The following LGALS4 variants were observed in gnomAD, a reference collection of about 807,000 sequenced individuals.
LGALS4 encodes galectin 4.
A neutral mutation model predicts 39.6 loss-of-function variants in LGALS4; 37 were observed. The observed-to-expected ratio is 0.93, with a 90% confidence interval of 0.72 to 1.23. The LOEUF (loss-of-function observed/expected upper bound fraction) is 1.23, where lower values mean the gene tolerates loss of function less well. LGALS4 is among the 50% of genes most tolerant of loss of function. LGALS4 has a pLI of 0.00. For synonymous variants in LGALS4, 160 were observed against 165.5 expected, an observed-to-expected ratio of 0.97 and a Z score of 0.25; for missense variants, 397 against 433.2, an observed-to-expected ratio of 0.92 and a Z score of 0.74.
intron 1 of LGALS4, 45 bp from the exon 2 acceptor site, chr19:38,812,564 T>G: frequency 6.4e-7 from 1 of 1,563,988 alleles, no homozygotes; most frequent in Non-Finnish European, 8.8e-7. Flanking sequence ...CATCTGCCTG[T>G]TGCAGCCTTT....
intron 3 of LGALS4, among the ~76,000 whole-genome samples, chr19:38,807,195 C>T (rs188093446): frequency 4.3e-4 from 65 of 151,952 alleles, no homozygotes; most frequent in African/African-American, 1.4e-3. Flanking sequence ...AGCAAGACCC[C>T]GTCTTTACAA....
chr19:38,806,366 T>TC (rs1555719769), intron 4 of LGALS4, 95 bp downstream of exon 4: 1 of 1,166,182 alleles, frequency 8.6e-7, no homozygotes, highest in Non-Finnish European at 1.1e-6. Flanking sequence ...AGACTCCGTC[T>TC]CAAAAAAAAA....
rs771175613 is a variant in LGALS4, at chr19:38,801,749, G to A, written c.*15C>T. ...ATAATTCTGTTTTCCCATGAGTTATGGCCCCAGGAATAGATTAGATCTGGA... is the reference window on the plus strand; with the variant it reads ...ATAATTCTGTTTTCCCATGAGTTATAGCCCCAGGAATAGATTAGATCTGGA... On this transcript the variant is annotated 3_prime_UTR_variant, in exon 10 of 10. Coordinates refer to ENST00000307751, the MANE Select transcript of LGALS4 (RefSeq NM_006149.4). The A allele has an allele frequency of 6.2e-7, 1 of 1,613,388 alleles. No homozygotes were observed. Among genetic ancestry groups the A allele is most frequent in the Non-Finnish European group, 8.5e-7 (1 of 1,179,550 alleles).
chr19:38,806,937 ACT>A (rs1971428926), intron 3 of LGALS4, among the ~76,000 whole-genome samples: 1 of 136,184 alleles, frequency 7.3e-6, no homozygotes, highest in Non-Finnish European at 1.5e-5. Flanking sequence ...ACAGAGCAAG[ACT>A]CTGTCTCAAA....
intron 2 of LGALS4, among the ~76,000 whole-genome samples, chr19:38,809,296 C>A (rs1971464581): frequency 6.6e-6 from 1 of 151,186 alleles, no homozygotes; most frequent in Admixed American, 6.6e-5. Flanking sequence ...TCTCCTGCCT[C>A]AGCCTCCCAA....
chr19:38,810,701 T>TCAGATCA (rs1366831676), intron 2 of LGALS4, among the ~76,000 whole-genome samples: 4 of 151,770 alleles, frequency 2.6e-5, no homozygotes, highest in African/African-American at 9.7e-5. Context: ...AGTCTCGAGC[T>TCAGATCA]CCTGACCTCA....
At chr19:38,809,138 TC>T (rs1194794463) in intron 2 of LGALS4, among the ~76,000 whole-genome samples, 190 bp from the exon 3 acceptor site, 1 of 150,826 alleles carries the variant, frequency 6.6e-6, no homozygotes, top group Non-Finnish European at 1.5e-5. Flanking sequence ...GGGGGCAGAT[TC>T]CCACCACCAC....
chr19:38,811,126 C>T (rs1451642215), intron 2 of LGALS4, among the ~76,000 whole-genome samples: 1 of 152,016 alleles, frequency 6.6e-6, no homozygotes, highest in Non-Finnish European at 1.5e-5. Context: ...GTCTTGAACT[C>T]CCGATCTCAG....
Position 38,801,930 on chromosome 19 carries a change from C to T in LGALS4, c.826-20G>A. On this transcript the variant is annotated intron_variant, in intron 9 of 9. Coordinates refer to ENST00000307751, the MANE Select transcript of LGALS4 (RefSeq NM_006149.4). ...GGACAGCTGCAGGGAGAAGGGTGGG[C>T]ATGAGGCCAGGGCCAGGACTGAGGC... 6.2e-7 allele frequency: 1 copy of T among 1,614,020 alleles called. No individual in the cohort carries two copies. Among genetic ancestry groups the T allele is most frequent in the Non-Finnish European group, 8.5e-7 (1 of 1,179,938 alleles).
chr19:38,805,853 C>G (rs1464589943), intron 4 of LGALS4, among the ~76,000 whole-genome samples: 2 of 152,164 alleles, frequency 1.3e-5, no homozygotes, highest in Non-Finnish European at 2.9e-5. Flanking sequence ...CAGCAGATCA[C>G]TTGAGGCCAG....
At chr19:38,805,369 T>C (rs1407371147) in intron 4 of LGALS4, among the ~76,000 whole-genome samples, 1 of 152,062 alleles carries the variant, frequency 6.6e-6, no homozygotes, top group Non-Finnish European at 1.5e-5. Context: ...ACTTCCTTCC[T>C]GACCCATGAC....
At chr19:38,809,030 G>A (rs954502045) in intron 2 of LGALS4, 82 bp from the exon 3 acceptor site, 88 of 1,241,760 alleles carry the variant, frequency 7.1e-5, no homozygotes, top group African/African-American at 1.6e-4. Context: ...TCTCCCTGCC[G>A]CCCTGTCCTC....
chr19:38,811,462 G>A (rs1971492967), intron 2 of LGALS4, among the ~76,000 whole-genome samples: 1 of 151,068 alleles, frequency 6.6e-6, no homozygotes, highest in Non-Finnish European at 1.5e-5. Context: ...ACAAGACTTT[G>A]TCTCTACAAA....
At chr19:38,809,070 C>T (rs748278723) in intron 2 of LGALS4, 122 bp from the exon 3 acceptor site, 4 of 760,502 alleles carry the variant, frequency 5.3e-6, no homozygotes, top group Non-Finnish European at 8.5e-6. Flanking sequence ...TCAGCACCAG[C>T]TCTGAGGGGC....
chr19:38,803,887 C>T lies in LGALS4; in HGVS notation c.483G>A (p.Pro161=), dbSNP rs1449123794. The T allele has an allele frequency of 5.6e-6, 9 of 1,609,750 alleles. No individual in the cohort carries two copies. Among genetic ancestry groups the T allele is most frequent in the Admixed American group, 3.4e-5 (2 of 59,288 alleles). The change falls in exon 5 of 10, where the codon CCG becomes CCA. Residue 161 remains proline, a synonymous_variant. Transcript: ENST00000307751. ...TACTTACAGGGTAAGGTGGCATCAT[C>T]GGGGGTCCCTGTGGGCACAGAAAGA... ...GGQPLRPQGP[P]MMPPYPGPGH...
intron 2 of LGALS4, among the ~76,000 whole-genome samples, chr19:38,809,644 C>CTTTTTTTTTTTTTTTTT (rs66473176): frequency 4.0e-5 from 3 of 74,544 alleles, no homozygotes; most frequent in Non-Finnish European, 7.1e-5. Flanking sequence ...CTATGCCTGG[C>CTTTTTTTTTTTTTTTTT]TTTTTTTTTT....
chr19:38,806,739 G>A (rs999145127), intron 3 of LGALS4, 144 bp from the exon 4 acceptor site: 77 of 764,988 alleles, frequency 1.0e-4, no homozygotes, highest in Non-Finnish European at 1.2e-4. Context: ...TTGAGATCAG[G>A]AGTGTGAGAC....
At position 38,808,832 on chromosome 19, in the gene LGALS4, C is replaced by G. The variant is rs774008000; in HGVS notation, c.251G>C (p.Trp84Ser). ...GCTCCTCTTCCTCTCCTCGCTGCCCCACTTCCCGCCCTGCAACGTGTTGAA... is the reference window on the plus strand; with the variant it reads ...GCTCCTCTTCCTCTCCTCGCTGCCCGACTTCCCGCCCTGCAACGTGTTGAA... ...VVFNTLQGGK[W>S]GSEERKRSMP... Residue 84 changes from tryptophan to serine, a missense_variant, in exon 3 of 10, where the codon TGG becomes TCG. Physicochemically the swap from Trp to Ser is radical, Grantham distance 177 (BLOSUM62 -3). Coordinates refer to ENST00000307751, the MANE Select transcript of LGALS4 (RefSeq NM_006149.4). 6.2e-7 allele frequency: 1 copy of G among 1,614,176 alleles called. No individual in the cohort carries two copies. Among genetic ancestry groups the G allele is most frequent in the South Asian group, 1.1e-5 (1 of 91,088 alleles).
chr19:38,803,893 T>C lies in LGALS4; in HGVS notation c.477A>G (p.Gly159=). 1.2e-6 allele frequency: 2 copies of C among 1,608,894 alleles called. No individual in the cohort carries two copies. Among genetic ancestry groups the C allele is most frequent in the Non-Finnish European group, 1.7e-6 (2 of 1,177,554 alleles). The part of the protein sequence containing the change: ...FIGGQPLRPQ[G]PPMMPPYPGP... The stretch of plus-strand genomic sequence containing the variant: ...CAGGGTAAGGTGGCATCATCGGGGG[T>C]CCCTGTGGGCACAGAAAGAGAAAGC... Residue 159 remains glycine (G), a splice_region_variant and synonymous_variant, in exon 5 of 10, where the codon GGA becomes GGG. Coordinates refer to ENST00000307751, the MANE Select transcript of LGALS4 (RefSeq NM_006149.4).
Sources: allele counts gnomAD v4.1 joint callset (sites outside exome capture counted in the v4.1 genomes callset), GRCh38; gene constraint gnomAD v4.1.1; transcripts MANE v1.5; gene names NCBI Gene and HGNC (gene_info 2026-07-23, HGNC 2026-07-21).